CCDC136: variants seen among roughly 807,000 people sequenced by gnomAD.
CCDC136 encodes the protein coiled-coil domain-containing protein 136.
Under a neutral mutation model 141.2 loss-of-function variants are expected in CCDC136, and 100 were observed. The ratio of observed to expected loss-of-function variants is 0.71; its 90% CI spans 0.60 to 0.84. The LOEUF is 0.84. CCDC136 is among the 40% of genes least tolerant of loss of function. CCDC136 has a pLI of 0.00. For synonymous variants in CCDC136, 474 were observed against 531.9 expected (o/e 0.89, Z 1.50); for missense variants, 1,206 against 1,379.4 (o/e 0.87, Z 1.99).
At position 128,805,667 on chromosome 7, in the gene CCDC136, C is replaced by A; in HGVS notation, c.949-94C>A. Reference sequence around the variant, plus strand: ...GTCTCACTTGCCTGATGTAAATCTTCCAGTCAAAGAGCGCCATGCTTTCCC... The same window carrying A: ...GTCTCACTTGCCTGATGTAAATCTTACAGTCAAAGAGCGCCATGCTTTCCC... On this transcript the variant is annotated intron_variant, in intron 6 of 17. Transcript: ENST00000297788. The surrounding 1 kb of genome is among the most constrained non-coding windows in gnomAD (Gnocchi z 4.6). 5 of 1,561,218 alleles carry A rather than the reference C, an allele frequency of 3.2e-6. No homozygotes were observed. The highest frequency in any genetic ancestry group is 3.5e-6 in the Non-Finnish European group (4 of 1,144,274).
chr7:128,809,343 A>G (rs2128914769), intron 10 of CCDC136, 107 bp from the exon 11 acceptor site: 1 of 759,650 alleles, frequency 1.3e-6, no homozygotes, highest in African/African-American at 1.7e-5. Context: ...GTGACTGCAC[A>G]GGGAGAGGAT....
intron 3 of CCDC136, among the ~76,000 whole-genome samples, chr7:128,797,941 G>A (rs541796442): frequency 1.3e-5 from 2 of 150,602 alleles, no homozygotes; most frequent in African/African-American, 2.4e-5. Context: ...TTTTTGAGAC[G>A]GAGTCTCGCT....
chr7:128,794,752 G>T lies in CCDC136; in HGVS notation c.330G>T (p.Gln110His). 1 of 1,551,748 alleles carries T rather than the reference G, an allele frequency of 6.4e-7. No individual in the cohort carries two copies. The highest frequency in any genetic ancestry group is 8.7e-7 in the Non-Finnish European group (1 of 1,146,976). Reference protein sequence around the residue: ...SAQQAEVFTKQIQQLQGELRS... With the variant: ...SAQQAEVFTKHIQQLQGELRS... ...AGCAGGCAGAGGTGTTCACCAAGCAGATCCAGCAGCTCCAAGGTAATTCCC... is the reference window on the plus strand; with the variant it reads ...AGCAGGCAGAGGTGTTCACCAAGCATATCCAGCAGCTCCAAGGTAATTCCC... The change falls in exon 3 of 18, where the codon CAG (glutamine) becomes CAT (histidine). Residue 110 changes from glutamine to histidine, a missense_variant. Transcript: ENST00000297788. The surrounding 1 kb of genome is among the most constrained non-coding windows in gnomAD (Gnocchi z 4.3).
rs533797350 is a variant in CCDC136, at chr7:128,814,788, C to A, written c.2914C>A (p.Pro972Thr). 1.9e-6 allele frequency: 3 copies of A among 1,612,842 alleles called. No homozygotes were observed. The highest frequency in any genetic ancestry group is 1.3e-5 in the African/African-American group (1 of 74,900). The change falls in exon 15 of 18, where the codon CCT (proline) becomes ACT (threonine). Residue 972 changes from proline (P) to threonine (T), a missense_variant. Transcript: ENST00000297788. ...GCTCCGCCAGCTCAGGGAGAAGAGGCCTTCTGTTGTCAAAGAAGCCCGGGG... is the reference window on the plus strand; with the variant it reads ...GCTCCGCCAGCTCAGGGAGAAGAGGACTTCTGTTGTCAAAGAAGCCCGGGG... ...EELRQLREKR[P>T]SVVKEARGKN... is the part of the protein sequence containing the mutation.
In CCDC136 at chr7:128,812,907, C is replaced by G. The variant is rs764097516; in HGVS notation, c.2741C>G (p.Ala914Gly). ...ATGGAATGCCTTGAAAAGCCCATGG[C>G]CCCCCAGAACGACAAGAATGAGGTA... ...ECMECLEKPM[A>G]PQNDKNEIKE... The change falls in exon 14 of 18, where the codon GCC becomes GGC. Residue 914 changes from alanine (A) to glycine (G), a missense_variant. By Grantham distance (60) the Ala-to-Gly change is moderately conservative. Transcript: ENST00000297788. The G allele has an allele frequency of 4.4e-6, 7 of 1,607,780 alleles. No homozygotes were observed. Among genetic ancestry groups the G allele is most frequent in the African/African-American group, 1.3e-5 (1 of 74,664 alleles).
Position 128,814,696 on chromosome 7 carries a change from A to T in CCDC136, c.2822A>T (p.Asp941Val), listed in dbSNP as rs1258146763. ...CAGCTGCAATACCAGGCTAGCATGG[A>T]TGAGCAGGGGCGGCTTCTGGTAGTG... is the stretch of plus-strand genomic sequence containing the variant. ...ELQLQYQASM[D>V]EQGRLLVVQE... is the part of the protein sequence containing the mutation. Residue 941 changes from aspartate to valine, a missense_variant, in exon 15 of 18, where the codon GAT (aspartate) becomes GTT (valine). By Grantham distance (152) the Asp-to-Val change is radical (BLOSUM62 -3). Transcript: ENST00000297788. 2.5e-6 allele frequency: 4 copies of T among 1,613,150 alleles called. No homozygotes were observed. In the African/African-American group the frequency reaches 4.0e-5, roughly 16 times the overall value.
rs2270590 is a variant in CCDC136, at chr7:128,815,862, G to T, written c.3294G>T (p.Glu1098Asp). 6.2e-7 allele frequency: 1 copy of T among 1,612,992 alleles called. No homozygotes were observed. Among genetic ancestry groups the T allele is most frequent in the Non-Finnish European group, 8.5e-7 (1 of 1,179,556 alleles). The change falls in exon 16 of 18, where the codon GAG becomes GAT. Residue 1098 changes from glutamate to aspartate, a missense_variant. Coordinates refer to ENST00000297788, the MANE Select transcript of CCDC136 (RefSeq NM_022742.5). ...EEKEEDSEEEEDDADSSLESP... is the reference protein window; with the variant it reads ...EEKEEDSEEEDDDADSSLESP... ...AGGAAGAAGACAGTGAAGAGGAGGA[G>T]GATGACGCCGACTCTTCCCTTGAAA...
At chr7:128,803,659 A>G (rs1431304083) in intron 4 of CCDC136, among the ~76,000 whole-genome samples, 2 of 152,134 alleles carry the variant, frequency 1.3e-5, no homozygotes, top group Admixed American at 1.3e-4. Context: ...TCAAAACAAA[A>G]CAAAACCAAA....
In CCDC136 at chr7:128,792,156, G is replaced by A. The variant is rs1412040254; in HGVS notation, c.-256G>A. 1.1e-5 allele frequency: 16 copies of A among 1,432,888 alleles called. No individual in the cohort carries two copies. The highest frequency in any genetic ancestry group is 1.4e-5 in the Non-Finnish European group (15 of 1,100,208). The allele number at this position is 1,432,888 out of a possible 1,614,324, so 88.8% of individuals were successfully genotyped here. A position where few individuals can be genotyped will look rare whatever the true frequency, so the allele number is the denominator to read the frequency against. On this transcript the variant is annotated 5_prime_UTR_variant, in exon 1 of 18. Transcript: ENST00000297788. ...TGGGAGGCAGGGCTGAGAGGTGGCC[G>A]AGAGAGAGGAGTCGCAGAGCCGCCA...
At position 128,805,981 on chromosome 7, in the gene CCDC136, G is replaced by A; in HGVS notation, c.1089+80G>A. 1 of 1,529,414 alleles carries A rather than the reference G, an allele frequency of 6.5e-7. No homozygotes were observed. The highest frequency in any genetic ancestry group is 9.0e-7 in the Non-Finnish European group (1 of 1,111,706). 94.7% of individuals were successfully genotyped at this position (1,529,414 alleles called of 1,614,324 possible). Reference sequence around the variant, plus strand: ...GGCTGCTTCAACCGGGGTGGGCACAGTGAGTATGGCTGTGCTCTGCTGACT... The same window carrying A: ...GGCTGCTTCAACCGGGGTGGGCACAATGAGTATGGCTGTGCTCTGCTGACT... On this transcript the variant is annotated intron_variant, in intron 7 of 17. Transcript: ENST00000297788. The surrounding 1 kb of genome is among the most constrained non-coding windows in gnomAD (Gnocchi z 4.6).
intron 1 of CCDC136, among the ~76,000 whole-genome samples, chr7:128,792,853 G>A (rs1334212749): frequency 6.6e-6 from 1 of 152,234 alleles, no homozygotes; most frequent in Admixed American, 6.5e-5. Context: ...GAAGCCTGTG[G>A]CTTTGGTTCT....
Position 128,798,010 on chromosome 7 carries a change from C to T in CCDC136, c.347-3176C>T, listed in dbSNP as rs1320738592. Reference sequence around the variant, plus strand: ...TCGGCTCACTGCAAGCTCCGCCTCCCGGGTTCACGCCATTCTCCTGCCTCA... The same window carrying T: ...TCGGCTCACTGCAAGCTCCGCCTCCTGGGTTCACGCCATTCTCCTGCCTCA... On this transcript the variant is annotated intron_variant, in intron 3 of 17. Transcript: ENST00000297788. Among the ~76,000 whole-genome samples, 179 of 146,974 alleles carry T rather than the reference C, an allele frequency of 1.2e-3. 1 individual carries two copies. The highest frequency in any genetic ancestry group is 7.5e-3 in the Middle Eastern group (2 of 266).
rs985806454 is a variant in CCDC136, at chr7:128,794,723, G to A, written c.301G>A (p.Ala101Thr). Residue 101 changes from alanine (A) to threonine (T), a missense_variant, in exon 3 of 18, where the codon GCC becomes ACC. Ala to Thr is a moderately conservative substitution (Grantham distance 58). Transcript: ENST00000297788. This position sits in a 1 kb window ranked among gnomAD's most constrained non-coding sequence, Gnocchi z 4.3. ...GLLEDERLAS[A>T]QQAEVFTKQI... is the part of the protein sequence containing the mutation. ...CCTGGAGGATGAACGGCTAGCCAGC[G>A]CCCAGCAGGCAGAGGTGTTCACCAA... 1.0e-5 allele frequency: 16 copies of A among 1,551,534 alleles called. No homozygotes were observed. Among genetic ancestry groups the A allele is most frequent in the African/African-American group, 2.7e-5 (2 of 73,034 alleles).
Position 128,805,256 on chromosome 7 carries a change from T to C in CCDC136, c.783-103T>C. ...CGGTGAGTCACAATAGAAGGCCCCT[T>C]ACTATCTTTGGCCTAAAATGAAGGT... On this transcript the variant is annotated intron_variant, in intron 5 of 17. Coordinates refer to ENST00000297788, the MANE Select transcript of CCDC136 (RefSeq NM_022742.5). The surrounding 1 kb of genome is among the most constrained non-coding windows in gnomAD (Gnocchi z 4.6). The C allele has an allele frequency of 1.1e-6, 1 of 949,018 alleles. No homozygotes were observed. The highest frequency in any genetic ancestry group is 1.6e-6 in the Non-Finnish European group (1 of 610,270). The allele number at this position is 949,018 out of a possible 1,614,324, so 58.8% of individuals were successfully genotyped here.
chr7:128,805,696 G>A lies in CCDC136; in HGVS notation c.949-65G>A. 1 of 1,597,546 alleles carries A rather than the reference G, an allele frequency of 6.3e-7. No homozygotes were observed. Among genetic ancestry groups the A allele is most frequent in the Non-Finnish European group, 8.5e-7 (1 of 1,169,626 alleles). ...TCAAAGAGCGCCATGCTTTCCCCAA[G>A]CTTGTTCTTGGAGCATATGTGGTAT... On this transcript the variant is annotated intron_variant, in intron 6 of 17. Transcript: ENST00000297788. The surrounding 1 kb of genome is among the most constrained non-coding windows in gnomAD (Gnocchi z 4.6).
intron 4 of CCDC136, among the ~76,000 whole-genome samples, chr7:128,802,642 G>A (rs781285328): frequency 3.3e-5 from 5 of 152,192 alleles, no homozygotes; most frequent in Non-Finnish European, 7.3e-5. Context: ...AAAATGTAGA[G>A]AAATCCAAGT....
chr7:128,796,987 C>T (rs908164995), intron 3 of CCDC136, among the ~76,000 whole-genome samples: 18 of 151,592 alleles, frequency 1.2e-4, no homozygotes, highest in Non-Finnish European at 2.4e-4. Flanking sequence ...GTGATCCGCC[C>T]GCCTCGGCCT....
In CCDC136 at chr7:128,805,619, G is replaced by A. The variant is rs1043758934; in HGVS notation, c.948+95G>A. On this transcript the variant is annotated intron_variant, in intron 6 of 17. Transcript: ENST00000297788. The surrounding 1 kb of genome is among the most constrained non-coding windows in gnomAD (Gnocchi z 4.6). The stretch of plus-strand genomic sequence containing the variant: ...AGAAACATCTCCATAGGCATCCACT[G>A]TGGAGGGAGATAGTACTCTGGGGTC... The A allele has an allele frequency of 2.4e-5, 36 of 1,511,890 alleles. No individual in the cohort carries two copies. The highest frequency in any genetic ancestry group is 3.1e-5 in the Non-Finnish European group (34 of 1,107,144). The allele number at this position is 1,511,890 out of a possible 1,614,324, so 93.7% of individuals were successfully genotyped here.
intron 3 of CCDC136, among the ~76,000 whole-genome samples, chr7:128,796,737 A>ATTTTTT (rs1236842533): frequency 8.4e-6 from 1 of 119,120 alleles, no homozygotes; most frequent in African/African-American, 4.3e-5. Context: ...ATATATATAT[A>ATTTTTT]TATTCTTTTT....
Sources: allele counts gnomAD v4.1 joint callset (sites outside exome capture counted in the v4.1 genomes callset), GRCh38; gene constraint gnomAD v4.1.1; non-coding constraint Gnocchi (gnomAD v3.1); transcripts MANE v1.5; gene names NCBI Gene and HGNC (gene_info 2026-07-23, HGNC 2026-07-21).